RAB5B: variants seen among roughly 807,000 people sequenced by gnomAD.
The protein encoded by RAB5B is RAB5B, member RAS oncogene family, also known as ras-related protein Rab-5B.
RAB5B carries 11 observed loss-of-function variants against 28.6 expected under a neutral mutation model. The observed-to-expected ratio is 0.38, with a 90% CI of 0.24 to 0.64. The LOEUF (loss-of-function observed/expected upper bound fraction) is 0.64, where lower values mean the gene tolerates loss of function less well. RAB5B is among the 30% of genes least tolerant of loss of function. The pLI is 0.53. For synonymous variants in RAB5B, 93 were observed against 97.9 expected, an observed-to-expected ratio of 0.95 and a Z score of 0.29; for missense variants, 169 against 265.6, an observed-to-expected ratio of 0.64 and a Z score of 2.53.
At chr12:55,980,720 CTTTTCAT>C in intron 1 of RAB5B, 2 of 1,580,424 alleles carry the variant, frequency 1.3e-6, no homozygotes, top group East Asian at 4.5e-5. Flanking sequence ...CTCCATGATG[CTTTTCAT>C]CCAGTTCTGA....
At chr12:55,991,481 CT>C in intron 5 of RAB5B, 28 bp downstream of exon 5, 1 of 1,574,870 alleles carries the variant, frequency 6.3e-7, no homozygotes, top group Non-Finnish European at 8.7e-7. Context: ...TGAGGTCCTC[CT>C]TTTTCCCTCG....
At position 55,992,931 on chromosome 12, in the gene RAB5B, G is replaced by A; in HGVS notation, c.*719G>A. On this transcript the variant is annotated 3_prime_UTR_variant, in exon 6 of 6. Coordinates refer to ENST00000360299, the MANE Select transcript of RAB5B (RefSeq NM_002868.4). ...GAGGTGCAGTGTCAACTGTGGCTCT[G>A]TAACTCTTCAAAGGCCCAGTTTCCC... The A allele has an allele frequency of 9.1e-6, 2 of 220,688 alleles. No homozygotes were observed. Among genetic ancestry groups the A allele is most frequent in the Non-Finnish European group, 1.8e-5 (2 of 112,438 alleles). The allele number at this position is 220,688 out of a possible 1,614,324, so 13.7% of individuals were successfully genotyped here.
chr12:55,992,325 C>T lies in RAB5B; in HGVS notation c.*113C>T. The T allele has an allele frequency of 2.1e-6, 2 of 940,372 alleles. No homozygotes were observed. Among genetic ancestry groups the T allele is most frequent in the Non-Finnish European group, 3.3e-6 (2 of 604,940 alleles). 58.3% of individuals were successfully genotyped at this position (940,372 alleles called of 1,614,324 possible). ...GGTAACAGCACACTGAGCCCTGGCT[C>T]CCAAGGGCTGCCTCCTGACAGCTCC... On this transcript the variant is annotated 3_prime_UTR_variant, in exon 6 of 6. Transcript: ENST00000360299.
intron 2 of RAB5B, among the ~76,000 whole-genome samples, 154 bp downstream of exon 2, chr12:55,987,277 C>T (rs901871239): frequency 2.6e-5 from 4 of 151,854 alleles, no homozygotes; most frequent in African/African-American, 4.8e-5. Context: ...TCTCATGCCT[C>T]AGCCTCCCGA....
At position 55,993,200 on chromosome 12, in the gene RAB5B, T is replaced by C. The variant is rs1890189675; in HGVS notation, c.*988T>C. The C allele has an allele frequency of 6.6e-6, 1 of 152,558 alleles. No homozygotes were observed. 9.5% of individuals were successfully genotyped at this position (152,558 alleles called of 1,614,324 possible). A position where few individuals can be genotyped will look rare whatever the true frequency, so the allele number is the denominator to read the frequency against. ...TGCACTTTAATTGATGGTAGTTCAG[T>C]TGGGGTACTTGTTTTATGGAAGTTT... On this transcript the variant is annotated 3_prime_UTR_variant, in exon 6 of 6. Transcript: ENST00000360299.
In RAB5B at chr12:55,993,863, T is replaced by C. The variant is rs1272852763; in HGVS notation, c.*1651T>C. The stretch of plus-strand genomic sequence containing the variant: ...ACTGGCTCATATTATCAGAGGACCT[T>C]GGTCCTTTCTAAATCTCTAGTCTCT... On this transcript the variant is annotated 3_prime_UTR_variant, in exon 6 of 6. Transcript: ENST00000360299. 1 of 152,414 alleles carries C rather than the reference T, an allele frequency of 6.6e-6. No individual in the cohort carries two copies. The highest frequency in any genetic ancestry group is 1.5e-5 in the Non-Finnish European group (1 of 68,040). 9.4% of individuals were successfully genotyped at this position (152,414 alleles called of 1,614,324 possible).
Position 55,993,371 on chromosome 12 carries a change from A to G in RAB5B, c.*1159A>G, listed in dbSNP as rs1314305731. 6.6e-6 allele frequency: 1 copy of G among 152,626 alleles called. No homozygotes were observed. Among genetic ancestry groups the G allele is most frequent in the African/African-American group, 2.4e-5 (1 of 41,444 alleles). The allele number at this position is 152,626 out of a possible 1,614,324, so 9.5% of individuals were successfully genotyped here. ...CTGTTAGCTTCCTCCAACTCTAATTATTAACCTATATTCTTGCCAAGCTAA... is the reference window on the plus strand; with the variant it reads ...CTGTTAGCTTCCTCCAACTCTAATTGTTAACCTATATTCTTGCCAAGCTAA... On this transcript the variant is annotated 3_prime_UTR_variant, in exon 6 of 6. Coordinates refer to ENST00000360299, the MANE Select transcript of RAB5B (RefSeq NM_002868.4).
intron 1 of RAB5B, among the ~76,000 whole-genome samples, chr12:55,974,478 A>T (rs2136466539): frequency 6.6e-6 from 1 of 152,258 alleles, no homozygotes; most frequent in South Asian, 2.1e-4. Context: ...GGAACAGGGC[A>T]GCGGGTGAGG....
intron 1 of RAB5B, among the ~76,000 whole-genome samples, chr12:55,980,053 C>T (rs1319148646): frequency 6.6e-6 from 1 of 151,962 alleles, no homozygotes; most frequent in African/African-American, 2.4e-5. Flanking sequence ...AGTGTAGTGC[C>T]GAGCTAGCCC....
Position 55,995,987 on chromosome 12 carries a change from A to ATTT in RAB5B, c.*3776_*3777insTTT. 2.0e-5 allele frequency: 2 copies of ATTT among 99,420 alleles called. No homozygotes were observed. The highest frequency in any genetic ancestry group is 1.1e-4 in the African/African-American group (2 of 18,968). The allele number at this position is 99,420 out of a possible 1,614,324, so 6.2% of individuals were successfully genotyped here. ...TCTCTCTCTCCATATATATATACAT[A>ATTT]TATATATATATATATATTTTTTTTT... On this transcript the variant is annotated 3_prime_UTR_variant, in exon 6 of 6. Transcript: ENST00000360299.
At chr12:55,980,674 C>T (rs1889778814) in intron 1 of RAB5B, 8 of 1,592,502 alleles carry the variant, frequency 5.0e-6, no homozygotes. Flanking sequence ...CACATTTGTT[C>T]CCTAGCAAGA....
rs1890286264 is a variant in RAB5B at position 55,995,993 on chromosome 12, ATATATATATATT to A, written c.*3783_*3794del. On this transcript the variant is annotated 3_prime_UTR_variant, in exon 6 of 6. Transcript: ENST00000360299. Reference sequence around the variant, plus strand: ...TCTCCATATATATATACATATATATATATATATATATTTTTTTTTTAACAACTGGTAGGATAG... The same window carrying A: ...TCTCCATATATATATACATATATATATTTTTTTTAACAACTGGTAGGATAG... 2.0e-5 allele frequency: 2 copies of A among 101,954 alleles called. No homozygotes were observed. The highest frequency in any genetic ancestry group is 5.5e-5 in the African/African-American group (1 of 18,168). The allele number at this position is 101,954 out of a possible 1,614,324, so 6.3% of individuals were successfully genotyped here. A position where few individuals can be genotyped will look rare whatever the true frequency, so the allele number is the denominator to read the frequency against.
intron 3 of RAB5B, chr12:55,990,352 G>A: frequency 2.1e-6 from 1 of 470,742 alleles, no homozygotes; most frequent in Non-Finnish European, 3.8e-6. Flanking sequence ...AGGTTGCAGT[G>A]AGCCGAGATC....
chr12:55,994,266 T>C lies in RAB5B; in HGVS notation c.*2054T>C, dbSNP rs925730220. The C allele has an allele frequency of 4.6e-5, 7 of 152,542 alleles. No homozygotes were observed. Among genetic ancestry groups the C allele is most frequent in the Admixed American group, 3.3e-4 (5 of 15,274 alleles). 9.4% of individuals were successfully genotyped at this position (152,542 alleles called of 1,614,324 possible). A position where few individuals can be genotyped will look rare whatever the true frequency, so the allele number is the denominator to read the frequency against. On this transcript the variant is annotated 3_prime_UTR_variant, in exon 6 of 6. Transcript: ENST00000360299. ...CTTTTTACAAGTGGAAGAACTAGGA[T>C]GGCTTTCCAAAGTCTTCTAGAAATG...
Position 55,995,544 on chromosome 12 carries a change from C to T in RAB5B, c.*3332C>T, listed in dbSNP as rs1354467551. ...CTCTTGACTCCTAGTGTACTTCAAA[C>T]CCTTCAGTCCACCACAGTCTAAAGG... On this transcript the variant is annotated 3_prime_UTR_variant, in exon 6 of 6. Coordinates refer to ENST00000360299, the MANE Select transcript of RAB5B (RefSeq NM_002868.4). 6.6e-6 allele frequency: 1 copy of T among 152,114 alleles called. No homozygotes were observed. Among genetic ancestry groups the T allele is most frequent in the African/African-American group, 2.4e-5 (1 of 41,408 alleles). 9.4% of individuals were successfully genotyped at this position (152,114 alleles called of 1,614,324 possible).
intron 1 of RAB5B, chr12:55,980,500 T>C: frequency 6.3e-7 from 1 of 1,590,082 alleles, no homozygotes; most frequent in Non-Finnish European, 8.6e-7. Context: ...TGCCGTTTCC[T>C]GATCTCCGGC....
chr12:55,991,006 C>A, intron 4 of RAB5B: 1 of 670,178 alleles, frequency 1.5e-6, no homozygotes, highest in Admixed American at 3.0e-5. Flanking sequence ...AACTCCAGAG[C>A]AGAGGGTTAG....
At position 55,977,963 on chromosome 12, in the gene RAB5B, T is replaced by C. The variant is rs539120883; in HGVS notation, c.-93+3824T>C. 2.6e-4 allele frequency among the ~76,000 whole-genome samples: 40 copies of C among 152,350 alleles called. 1 individual carries two copies. In the South Asian group the frequency reaches 5.4e-3, roughly 21 times the overall value. On this transcript the variant is annotated intron_variant, in intron 1 of 5. Transcript: ENST00000360299. Reference sequence around the variant, plus strand: ...ATAGTGGCCCAAAGCTTTTGACCGTTCAACATCAACTGAAAATTCAGCGAA... The same window carrying C: ...ATAGTGGCCCAAAGCTTTTGACCGTCCAACATCAACTGAAAATTCAGCGAA...
At chr12:55,979,614 A>G (rs772776382) in intron 1 of RAB5B, 7 of 152,212 alleles carry the variant, frequency 4.6e-5, no homozygotes, top group African/African-American at 7.2e-5. Flanking sequence ...CTGTCCTGGC[A>G]GGGTTTGGTC....
Sources: gnomAD v4.1 joint callset for allele counts (sites outside exome capture counted in the v4.1 genomes callset) on GRCh38, gnomAD v4.1.1 for gene constraint, MANE v1.5 for transcripts, NCBI Gene and HGNC (gene_info 2026-07-23, HGNC 2026-07-21) for gene names.